ATP8B4: variants seen among roughly 807,000 people sequenced by gnomAD.
The protein encoded by ATP8B4 is probable phospholipid-transporting ATPase IM.
In ATP8B4, 133 loss-of-function variants were observed where a neutral mutation model predicts 145.6. The ratio of observed to expected loss-of-function variants is 0.91; its 90% confidence interval spans 0.79 to 1.05. The LOEUF is 1.05. Among genes scored for constraint, ATP8B4 ranks in the 50% least tolerant of loss-of-function variants. The pLI is 0.00. For missense variants in ATP8B4, 1,458 were observed against 1,425.2 expected (o/e 1.02, Z -0.37); for synonymous variants, 507 against 492.9 (o/e 1.03, Z -0.38).
chr15:50,027,125 C>A (rs185262189), intron 6 of ATP8B4, among the ~76,000 whole-genome samples: 111 of 152,274 alleles, frequency 7.3e-4, no homozygotes, highest in African/African-American at 2.6e-3. Context: ...GAAATCCCTG[C>A]CACTAGCCCT....
chr15:50,054,933 G>A (rs28694140), intron 3 of ATP8B4, among the ~76,000 whole-genome samples: 4,060 of 150,456 alleles, frequency 0.027, 172 homozygotes, highest in African/African-American at 0.095. Flanking sequence ...TTAGTTTCAC[G>A]AACTGGATAG....
intron 3 of ATP8B4, among the ~76,000 whole-genome samples, chr15:50,060,718 CTG>C (rs1448864032): frequency 6.6e-6 from 1 of 152,122 alleles, no homozygotes; most frequent in African/African-American, 2.4e-5. Context: ...TTCAGAACTT[CTG>C]AAACTCAAAT....
intron 14 of ATP8B4, among the ~76,000 whole-genome samples, chr15:49,956,379 GT>G (rs933331244): frequency 1.3e-5 from 2 of 151,952 alleles, no homozygotes; most frequent in African/African-American, 2.4e-5. Context: ...TGCATTATAA[GT>G]TTTTATATTT....
chr15:50,158,920 A>T (rs957529129), intron 1 of ATP8B4, among the ~76,000 whole-genome samples: 3 of 152,168 alleles, frequency 2.0e-5, no homozygotes, highest in African/African-American at 4.8e-5. Context: ...GCTCCTTAAG[A>T]GTCATCACCA....
intron 25 of ATP8B4, among the ~76,000 whole-genome samples, chr15:49,876,003 G>A (rs1489536839): frequency 1.3e-5 from 2 of 152,046 alleles, no homozygotes; most frequent in African/African-American, 4.8e-5. Context: ...GGAAATAATA[G>A]TATAATCATT....
intron 3 of ATP8B4, among the ~76,000 whole-genome samples, chr15:50,066,114 T>C (rs978247976): frequency 1.3e-5 from 2 of 151,692 alleles, no homozygotes; most frequent in African/African-American, 4.8e-5. Flanking sequence ...GTCAAAAAGA[T>C]AAAAAATATT....
intron 23 of ATP8B4, among the ~76,000 whole-genome samples, chr15:49,886,539 A>T (rs1221362014): frequency 2.0e-5 from 3 of 152,214 alleles, no homozygotes; most frequent in Non-Finnish European, 4.4e-5. Flanking sequence ...TTAACCATAG[A>T]TATTTATTTC....
intron 6 of ATP8B4, among the ~76,000 whole-genome samples, chr15:50,035,958 C>T (rs1469919577): frequency 6.6e-6 from 1 of 152,198 alleles, no homozygotes; most frequent in African/African-American, 2.4e-5. Flanking sequence ...ACACCCACCC[C>T]AGCAACTCCT....
chr15:50,145,870 A>T (rs1004867465), intron 1 of ATP8B4, among the ~76,000 whole-genome samples: 1 of 152,210 alleles, frequency 6.6e-6, no homozygotes, highest in Non-Finnish European at 1.5e-5. Context: ...GCAAAAAAAG[A>T]AATGCAGAAA....
chr15:50,092,836 C>G (rs2077014219), intron 2 of ATP8B4, among the ~76,000 whole-genome samples: 1 of 151,790 alleles, frequency 6.6e-6, no homozygotes, highest in African/African-American at 2.4e-5. Context: ...CCAAAACTTT[C>G]AAAAGACATC....
intron 6 of ATP8B4, among the ~76,000 whole-genome samples, chr15:50,011,250 C>T (rs976919206): frequency 1.1e-4 from 16 of 152,222 alleles, no homozygotes; most frequent in African/African-American, 3.6e-4. Flanking sequence ...TTTTCCAACT[C>T]GATTGATAAA....
intron 26 of ATP8B4, among the ~76,000 whole-genome samples, chr15:49,863,824 T>A (rs962000369): frequency 6.6e-5 from 10 of 151,864 alleles, no homozygotes; most frequent in East Asian, 3.9e-4. Flanking sequence ...AAAAAAAAAA[T>A]TTTCCTGAAA....
chr15:49,945,567 T>C (rs2042495970), intron 14 of ATP8B4, among the ~76,000 whole-genome samples: 1 of 152,046 alleles, frequency 6.6e-6, no homozygotes, highest in African/African-American at 2.4e-5. Context: ...GAAAAGTATA[T>C]ATAAGCTGAT....
At chr15:50,028,017 AT>A (rs1328041108) in intron 6 of ATP8B4, among the ~76,000 whole-genome samples, 2 of 152,166 alleles carry the variant, frequency 1.3e-5, no homozygotes, top group Non-Finnish European at 2.9e-5. Flanking sequence ...TTCAAAATCT[AT>A]TCTTTCTCCA....
chr15:49,920,425 A>G lies in ATP8B4; in HGVS notation c.1759-15T>C. ...CCTGCAAATTCCTGCCAGAGATGAC[A>G]TAGACTCATGAACCATCAAAGAAAC... On this transcript the variant is annotated splice_polypyrimidine_tract_variant and intron_variant, in intron 17 of 27. Transcript: ENST00000284509. The G allele has an allele frequency of 6.2e-7, 1 of 1,607,798 alleles. No individual in the cohort carries two copies. The highest frequency in any genetic ancestry group is 1.3e-5 in the African/African-American group (1 of 74,696).
At chr15:50,106,897 T>G (rs777211425) in intron 2 of ATP8B4, 42 bp downstream of exon 2, 111 of 1,560,386 alleles carry the variant, frequency 7.1e-5, no homozygotes, top group Non-Finnish European at 8.2e-5. Flanking sequence ...AATTATATTT[T>G]TAAAATATCA....
At chr15:49,903,504 T>G (rs906632640) in intron 20 of ATP8B4, among the ~76,000 whole-genome samples, 1 of 152,238 alleles carries the variant, frequency 6.6e-6, no homozygotes, top group Non-Finnish European at 1.5e-5. Flanking sequence ...AGGCACATAC[T>G]GGCTTGCATA....
intron 1 of ATP8B4, among the ~76,000 whole-genome samples, chr15:50,156,091 T>A (rs1314588640): frequency 5.0e-5 from 3 of 59,458 alleles, no homozygotes; most frequent in African/African-American, 1.7e-4. Flanking sequence ...TATATATATA[T>A]AAATATATAT....
intron 1 of ATP8B4, among the ~76,000 whole-genome samples, chr15:50,158,683 G>C (rs1269808663): frequency 2.6e-5 from 4 of 152,266 alleles, no homozygotes; most frequent in African/African-American, 9.6e-5. Flanking sequence ...GTGGGGAAAA[G>C]ATTGAGAAAT....
Sources: allele counts gnomAD v4.1 joint callset (sites outside exome capture counted in the v4.1 genomes callset), GRCh38; gene constraint gnomAD v4.1.1; transcripts MANE v1.5; gene names NCBI Gene and HGNC (gene_info 2026-07-23, HGNC 2026-07-21).